ALLC: variants seen among roughly 807,000 people sequenced by gnomAD.
ALLC encodes the protein probable inactive allantoicase.
Under a neutral mutation model 45.0 loss-of-function variants are expected in ALLC, and 40 were observed. The ratio of observed to expected loss-of-function variants is 0.89; its 90% confidence interval spans 0.69 to 1.16. The LOEUF is 1.16. Among genes scored for constraint, ALLC ranks in the 50% most tolerant of loss-of-function variants. The pLI is 0.00. For synonymous variants in ALLC, 176 were observed against 178.1 expected (o/e 0.99, Z 0.09); for missense variants, 488 against 493.1 (o/e 0.99, Z 0.10).
chr2:3,679,026 T>C (rs1667103864), intron 4 of ALLC, among the ~76,000 whole-genome samples: 1 of 152,178 alleles, frequency 6.6e-6, no homozygotes, highest in South Asian at 2.1e-4. Flanking sequence ...CCCGCTGTCT[T>C]TTACGATTTT....
chr2:3,691,355 A>G (rs1445629947), intron 7 of ALLC, among the ~76,000 whole-genome samples: 1 of 139,400 alleles, frequency 7.2e-6, no homozygotes, highest in East Asian at 1.9e-4. Context: ...TTTGGCTCAG[A>G]TGATTCTCCC....
At chr2:3,673,938 C>T (rs1164697633) in intron 2 of ALLC, 137 bp from the exon 3 acceptor site, 5 of 647,772 alleles carry the variant, frequency 7.7e-6, no homozygotes, top group Non-Finnish European at 5.4e-6. Flanking sequence ...CATGGCTTAA[C>T]TGCAGATTCT....
intron 1 of ALLC, among the ~76,000 whole-genome samples, chr2:3,665,515 C>T (rs570150818): frequency 3.1e-4 from 47 of 152,264 alleles, no homozygotes; most frequent in Non-Finnish European, 6.2e-4. Context: ...TTCCTGCGTC[C>T]GTGTGTTCTC....
At chr2:3,695,493 G>T in intron 7 of ALLC, 1 of 548,860 alleles carries the variant, frequency 1.8e-6, no homozygotes, top group South Asian at 2.2e-5. Context: ...TTAAGGTGAG[G>T]AACATAAGTA....
chr2:3,701,712 A>G (rs1667843928), intron 11 of ALLC, 76 bp downstream of exon 11: 19 of 1,467,964 alleles, frequency 1.3e-5, no homozygotes, highest in Non-Finnish European at 1.7e-5. Flanking sequence ...AAGGATTAGG[A>G]TACGCTCCAA....
upstream of ALLC, among the ~76,000 whole-genome samples, chr2:3,654,644 G>A (rs1666402617): frequency 6.6e-6 from 1 of 152,252 alleles, no homozygotes; most frequent in Non-Finnish European, 1.5e-5. Context: ...ACTGCCAGAA[G>A]CTCTGGGATG....
intron 7 of ALLC, among the ~76,000 whole-genome samples, chr2:3,685,707 T>C (rs1462386688): frequency 6.6e-6 from 1 of 150,912 alleles, no homozygotes; most frequent in Non-Finnish European, 1.5e-5. Flanking sequence ...TTCATTGTGG[T>C]TTTGAGTTGC....
intron 10 of ALLC, 42 bp from the exon 11 acceptor site, chr2:3,701,470 G>A: frequency 1.3e-6 from 2 of 1,542,778 alleles, no homozygotes; most frequent in African/African-American, 1.4e-5. Flanking sequence ...CAAACTGAGT[G>A]CAAATGCGGG....
Position 3,697,463 on chromosome 2 carries a change from G to A in ALLC, c.850+7G>A, listed in dbSNP as rs1667705095. Reference sequence around the variant, plus strand: ...GACACAAAATATTTTGAAGGTAAATGCAAAGCCATAAAGAAGTACCCTATA... The same window carrying A: ...GACACAAAATATTTTGAAGGTAAATACAAAGCCATAAAGAAGTACCCTATA... On this transcript the variant is annotated splice_region_variant and intron_variant, in intron 10 of 11. Transcript: ENST00000252505. 3.1e-6 allele frequency: 5 copies of A among 1,608,424 alleles called. No homozygotes were observed. In the East Asian group the frequency reaches 6.7e-5, roughly 22 times the overall value.
chr2:3,667,296 C>T (rs1279650659), intron 1 of ALLC, among the ~76,000 whole-genome samples: 1 of 152,268 alleles, frequency 6.6e-6, no homozygotes, highest in Non-Finnish European at 1.5e-5. Context: ...GTCCCCTCCA[C>T]TGCACCACGA....
At chr2:3,676,975 A>AG (rs59224899) in intron 3 of ALLC, among the ~76,000 whole-genome samples, 3,506 of 152,164 alleles carry the variant, frequency 0.023, 118 homozygotes, top group African/African-American at 0.079. Flanking sequence ...TTTAGTAGAG[A>AG]GGGGGTTTCA....
intron 4 of ALLC, 105 bp downstream of exon 4, chr2:3,678,660 C>A: frequency 1.2e-6 from 1 of 830,758 alleles, no homozygotes; most frequent in Non-Finnish European, 2.0e-6. Context: ...TAACATGGGG[C>A]CCTGGAATGC....
chr2:3,652,579 GAT>G, the ALLC span, among the ~76,000 whole-genome samples: 5 of 120,698 alleles, frequency 4.1e-5, no homozygotes, highest in Admixed American at 4.1e-4. Context: ...AAAACTTTGT[GAT>G]TTTTTTTTTT....
intron 1 of ALLC, among the ~76,000 whole-genome samples, chr2:3,667,858 G>A (rs372467560): frequency 6.6e-6 from 1 of 152,114 alleles, no homozygotes; most frequent in Non-Finnish European, 1.5e-5. Flanking sequence ...TCCGCCTTCC[G>A]GGTTCAAGTG....
intron 1 of ALLC, among the ~76,000 whole-genome samples, chr2:3,670,664 G>A (rs1666842369): frequency 6.6e-6 from 1 of 152,162 alleles, no homozygotes; most frequent in Non-Finnish European, 1.5e-5. Flanking sequence ...GGGCGGGTGG[G>A]CTCTGCTGTT....
At chr2:3,651,417 G>A in the ALLC span, among the ~76,000 whole-genome samples, 1 of 55,196 alleles carries the variant, frequency 1.8e-5, no homozygotes. Context: ...GTGTGTGTGT[G>A]TGTGTGTGTG....
chr2:3,700,756 C>G (rs1211379967), intron 10 of ALLC, among the ~76,000 whole-genome samples: 3 of 152,114 alleles, frequency 2.0e-5, no homozygotes, highest in Non-Finnish European at 4.4e-5. Context: ...CCGTATGCAC[C>G]CCAGGGGCAT....
chr2:3,655,036 G>T (rs1250179968), upstream of ALLC, among the ~76,000 whole-genome samples: 1 of 152,254 alleles, frequency 6.6e-6, no homozygotes, highest in Non-Finnish European at 1.5e-5. Flanking sequence ...GTGTCCGTGG[G>T]CTACTCTCCT....
At chr2:3,657,968 C>T (rs1333708516), upstream of ALLC, among the ~76,000 whole-genome samples, 2 of 152,228 alleles carry the variant, frequency 1.3e-5, no homozygotes, top group African/African-American at 4.8e-5. Context: ...GTGGGGGTTT[C>T]AGGCCCAGGC....
Sources: gnomAD v4.1 joint callset for allele counts (sites outside exome capture counted in the v4.1 genomes callset) on GRCh38, gnomAD v4.1.1 for gene constraint, MANE v1.5 for transcripts, NCBI Gene and HGNC (gene_info 2026-07-23, HGNC 2026-07-21) for gene names.